WWC1: variants seen among roughly 807,000 people sequenced by gnomAD.
WWC1 encodes WW and C2 domain containing 1.
A neutral mutation model predicts 138.4 loss-of-function variants in WWC1; 55 were observed. That is an observed-to-expected ratio of 0.40 (90% CI 0.32 to 0.50). WWC1 has a LOEUF of 0.50. Among genes scored for constraint, WWC1 ranks in the 20% least tolerant of loss-of-function variants. WWC1 has a pLI of 0.72. For synonymous variants in WWC1, 524 were observed against 564.9 expected (o/e 0.93, Z 1.03); for missense variants, 1,226 against 1,420.4 (o/e 0.86, Z 2.20).
At chr5:168,405,577 G>C (rs146394030) in intron 5 of WWC1, among the ~76,000 whole-genome samples, 2 of 152,170 alleles carry the variant, frequency 1.3e-5, no homozygotes, top group East Asian at 3.8e-4. Context: ...TACCCAGCCC[G>C]GAGGACCCAG....
intron 10 of WWC1, among the ~76,000 whole-genome samples, chr5:168,422,535 TG>T (rs1269612658): frequency 6.6e-6 from 1 of 152,006 alleles, no homozygotes; most frequent in Non-Finnish European, 1.5e-5. Context: ...GAGGATGACT[TG>T]AGCCCGGGAG....
chr5:168,468,924 G>C (rs977248593), intron 22 of WWC1, 27 bp from the exon 23 acceptor site: 3 of 1,613,590 alleles, frequency 1.9e-6, no homozygotes, highest in South Asian at 1.1e-5. Flanking sequence ...GAAAACCCCT[G>C]CTCTAAAGGG....
intron 1 of WWC1, among the ~76,000 whole-genome samples, chr5:168,328,510 G>A (rs192387193): frequency 1.2e-4 from 19 of 152,108 alleles, no homozygotes; most frequent in Non-Finnish European, 2.4e-4. Context: ...TTAGAGCATT[G>A]CCACTGACCT....
At chr5:168,464,652 G>T in intron 20 of WWC1, 77 bp from the exon 21 acceptor site, 2 of 1,576,026 alleles carry the variant, frequency 1.3e-6, no homozygotes, top group Non-Finnish European at 1.7e-6. Context: ...GAGGGTATTT[G>T]AGGGTCAGAG....
At position 168,464,681 on chromosome 5, in the gene WWC1, C is replaced by T. The variant is rs764245723; in HGVS notation, c.2917-48C>T. ...GTCAGAGGAAGAGGCTGGGTGGGCT[C>T]ACTGGGCAGAGCTCTAATAACAAGA... On this transcript the variant is annotated intron_variant, in intron 20 of 22. Coordinates refer to ENST00000265293, the MANE Select transcript of WWC1 (RefSeq NM_015238.3). The T allele has an allele frequency of 7.5e-6, 12 of 1,608,872 alleles. No homozygotes were observed. The South Asian group carries it at 8.8e-5, about 12-fold the overall frequency.
At chr5:168,374,707 G>GTCTT (rs1267254492) in intron 2 of WWC1, among the ~76,000 whole-genome samples, 8 of 152,184 alleles carry the variant, frequency 5.3e-5, no homozygotes, top group African/African-American at 1.9e-4. Flanking sequence ...TCTGACTTAT[G>GTCTT]TCTTAAAAGG....
chr5:168,401,302 C>T (rs886155160), intron 5 of WWC1, among the ~76,000 whole-genome samples: 20 of 152,202 alleles, frequency 1.3e-4, no homozygotes, highest in Non-Finnish European at 2.8e-4. Context: ...CTAGGCAAGA[C>T]ACTCGGCAGA....
At chr5:168,345,792 A>G (rs1258492699) in intron 1 of WWC1, among the ~76,000 whole-genome samples, 1 of 152,132 alleles carries the variant, frequency 6.6e-6, no homozygotes, top group East Asian at 1.9e-4. Context: ...GATGACTCTT[A>G]TTTCTCTAAG....
At chr5:168,410,944 T>TC (rs1431678486) in intron 8 of WWC1, among the ~76,000 whole-genome samples, 5 of 147,700 alleles carry the variant, frequency 3.4e-5, no homozygotes, top group African/African-American at 7.5e-5. Context: ...TTTTTTTTTT[T>TC]TTTTTTTTGA....
chr5:168,449,993 A>G (rs1441168822), intron 17 of WWC1, among the ~76,000 whole-genome samples: 1 of 152,224 alleles, frequency 6.6e-6, no homozygotes, highest in Non-Finnish European at 1.5e-5. Flanking sequence ...AGTTGCGAGT[A>G]GAGATCCAAA....
intron 14 of WWC1, 126 bp downstream of exon 14, chr5:168,430,349 A>C (rs768294585): frequency 7.3e-6 from 5 of 685,880 alleles, no homozygotes; most frequent in Middle Eastern, 4.0e-4. Flanking sequence ...TTTGTACTGC[A>C]TATGACTGTG....
rs1447509012 is a variant in WWC1 at position 168,422,105 on chromosome 5, G to A, written c.1274+8G>A. ...GCACTCCCAGCTGAAAAGGTGAGTG[G>A]TGGGCGGTGAGGCCACTGCTCCCCT... On this transcript the variant is annotated splice_region_variant and intron_variant, in intron 10 of 22. Coordinates refer to ENST00000265293, the MANE Select transcript of WWC1 (RefSeq NM_015238.3). The A allele has an allele frequency of 6.2e-7, 1 of 1,612,330 alleles. No individual in the cohort carries two copies. Among genetic ancestry groups the A allele is most frequent in the Non-Finnish European group, 8.5e-7 (1 of 1,179,068 alleles).
chr5:168,314,986 T>C (rs1771450302), intron 1 of WWC1, among the ~76,000 whole-genome samples: 6 of 152,112 alleles, frequency 3.9e-5, no homozygotes, highest in Admixed American at 3.9e-4. Context: ...CCCGCCCGTC[T>C]CAGAAGACAC....
At position 168,335,779 on chromosome 5, in the gene WWC1, TTTAA is replaced by T. The variant is rs201624695; in HGVS notation, c.120-35642_120-35639del. On this transcript the variant is annotated intron_variant, in intron 1 of 22. Coordinates refer to ENST00000265293, the MANE Select transcript of WWC1 (RefSeq NM_015238.3). Reference sequence around the variant, plus strand: ...TTAGCATGTTCCATTCATTTGCTAATTTAATTGTTTATAAAACTTGATGAGGAAG... The same window carrying T: ...TTAGCATGTTCCATTCATTTGCTAATTTGTTTATAAAACTTGATGAGGAAG... Among the ~76,000 whole-genome samples the T allele has an allele frequency of 7.5e-3, 1,148 of 152,340 alleles. 10 individuals are homozygous for T. The highest frequency in any genetic ancestry group is 0.012 in the Non-Finnish European group (817 of 68,030).
chr5:168,462,488 G>A (rs368688637), intron 20 of WWC1, among the ~76,000 whole-genome samples: 42 of 152,202 alleles, frequency 2.8e-4, no homozygotes, highest in South Asian at 2.1e-4. Flanking sequence ...GGCAGCTGGC[G>A]TGGGCCCTGA....
At chr5:168,390,789 G>T (rs914382980) in intron 3 of WWC1, among the ~76,000 whole-genome samples, 1 of 152,194 alleles carries the variant, frequency 6.6e-6, no homozygotes, top group African/African-American at 2.4e-5. Context: ...CTTTGCTGTC[G>T]ACTCGCTGGT....
At position 168,393,908 on chromosome 5, in the gene WWC1, G is replaced by A. The variant is rs573364096; in HGVS notation, c.434-3816G>A. Among the ~76,000 whole-genome samples the A allele has an allele frequency of 3.9e-5, 6 of 152,248 alleles. No homozygotes were observed. In the South Asian group the frequency reaches 6.2e-4, roughly 16 times the overall value. On this transcript the variant is annotated intron_variant, in intron 3 of 22. Transcript: ENST00000265293. ...GTAAGTTTGTAGAAACTAAGCAAAC[G>A]TAAAAATGACAATAATTAACTCAAG... is the stretch of plus-strand genomic sequence containing the variant.
intron 2 of WWC1, among the ~76,000 whole-genome samples, chr5:168,379,502 C>T (rs141596070): frequency 1.7e-3 from 259 of 152,178 alleles, no homozygotes; most frequent in Middle Eastern, 6.8e-3. Flanking sequence ...TGGGTTCAAG[C>T]GATTCTCCTG....
chr5:168,357,911 C>G (rs993862370), intron 1 of WWC1, among the ~76,000 whole-genome samples: 6 of 152,234 alleles, frequency 3.9e-5, no homozygotes, highest in Non-Finnish European at 8.8e-5. Context: ...TAATCAGTTA[C>G]TGTAGGCCTC....
Sources: allele counts gnomAD v4.1 joint callset (sites outside exome capture counted in the v4.1 genomes callset), GRCh38; gene constraint gnomAD v4.1.1; transcripts MANE v1.5; gene names NCBI Gene and HGNC (gene_info 2026-07-23, HGNC 2026-07-21).